Variants in CCSER1 observed in about 807,000 individuals in gnomAD.
The protein encoded by CCSER1 is coiled-coil serine rich protein 1, also known as serine-rich coiled-coil domain-containing protein 1.
Under a neutral mutation model 82.0 loss-of-function variants are expected in CCSER1, and 41 were observed. The ratio of observed to expected loss-of-function variants is 0.50; its 90% confidence interval spans 0.39 to 0.65. The LOEUF (loss-of-function observed/expected upper bound fraction) is 0.65. Ranked by LOEUF, CCSER1 falls within the 30% of genes least tolerant of loss-of-function variation. The probability of loss-of-function intolerance (pLI) is 0.00; values close to 1 mark genes in which losing one functional copy is unlikely to be tolerated. For missense variants in CCSER1, 1,119 were observed against 1,064.2 expected, an observed-to-expected ratio of 1.05 and a Z score of -0.72; for synonymous variants, 414 against 383.9, an observed-to-expected ratio of 1.08 and a Z score of -0.92.
intron 8 of CCSER1, among the ~76,000 whole-genome samples, chr4:90,901,053 T>C (rs1400802051): frequency 6.6e-6 from 1 of 151,956 alleles, no homozygotes; most frequent in Admixed American, 6.6e-5. Flanking sequence ...TTTGACTTTT[T>C]TTAAAAAAAC....
At chr4:91,098,334 A>T (rs1724712584) in intron 10 of CCSER1, among the ~76,000 whole-genome samples, 1 of 152,218 alleles carries the variant, frequency 6.6e-6, no homozygotes, top group African/African-American at 2.4e-5. Flanking sequence ...TGAGAATCAG[A>T]TAAATTATAT....
intron 10 of CCSER1, among the ~76,000 whole-genome samples, chr4:91,296,724 C>A (rs1323465195): frequency 6.6e-6 from 1 of 150,520 alleles, no homozygotes; most frequent in African/African-American, 2.4e-5. Context: ...CTATCCCAGA[C>A]AATTTCAATT....
At chr4:90,507,204 C>T (rs751498369) in intron 5 of CCSER1, among the ~76,000 whole-genome samples, 14 of 151,454 alleles carry the variant, frequency 9.2e-5, no homozygotes, top group East Asian at 3.9e-4. Context: ...TTCCTGCATC[C>T]GCAATAAAGT....
At chr4:90,853,573 T>A (rs1487278656) in intron 8 of CCSER1, among the ~76,000 whole-genome samples, 1 of 152,108 alleles carries the variant, frequency 6.6e-6, no homozygotes, top group Non-Finnish European at 1.5e-5. Context: ...GTTTTAACCT[T>A]TATATTTGAA....
intron 10 of CCSER1, among the ~76,000 whole-genome samples, chr4:91,428,171 T>G (rs1754099108): frequency 6.6e-6 from 1 of 152,038 alleles, no homozygotes; most frequent in South Asian, 2.1e-4. Flanking sequence ...CTATAGCATT[T>G]TACAGCCACA....
At chr4:90,776,898 T>C (rs540487349) in intron 7 of CCSER1, among the ~76,000 whole-genome samples, 2 of 152,176 alleles carry the variant, frequency 1.3e-5, no homozygotes, top group Non-Finnish European at 2.9e-5. Context: ...TCCCCAGTAA[T>C]CCTTAGTTAA....
intron 10 of CCSER1, among the ~76,000 whole-genome samples, chr4:91,539,566 T>C (rs1230597377): frequency 2.6e-5 from 4 of 152,098 alleles, no homozygotes; most frequent in Non-Finnish European, 4.4e-5. Flanking sequence ...TGGTCATCCA[T>C]GGTATTGCTA....
At chr4:91,334,534 ACACT>A (rs887339380) in intron 10 of CCSER1, among the ~76,000 whole-genome samples, 12 of 152,198 alleles carry the variant, frequency 7.9e-5, no homozygotes, top group African/African-American at 2.4e-4. Context: ...AAGAAAACAC[ACACT>A]CACACACACA....
intron 8 of CCSER1, among the ~76,000 whole-genome samples, chr4:90,850,515 G>A (rs746333064): frequency 1.3e-5 from 2 of 152,226 alleles, no homozygotes; most frequent in Non-Finnish European, 1.5e-5. Context: ...CTGCACCAGC[G>A]TGCCCTGAAT....
At chr4:90,890,937 A>C (rs984481489) in intron 8 of CCSER1, among the ~76,000 whole-genome samples, 8 of 152,166 alleles carry the variant, frequency 5.3e-5, no homozygotes, top group African/African-American at 1.2e-4. Context: ...AATCTGTATG[A>C]GTAAAACAAG....
intron 6 of CCSER1, among the ~76,000 whole-genome samples, chr4:90,723,694 A>G (rs576122221): frequency 4.2e-3 from 641 of 152,112 alleles, no homozygotes; most frequent in Non-Finnish European, 6.7e-3. Context: ...TAAAATATAC[A>G]TGGAGAGTGA....
intron 8 of CCSER1, among the ~76,000 whole-genome samples, chr4:90,886,121 A>G (rs796220659): frequency 9.2e-5 from 14 of 152,254 alleles, no homozygotes; most frequent in African/African-American, 3.4e-4. Flanking sequence ...GGCTGCTGGT[A>G]CAACAGGATT....
intron 1 of CCSER1, among the ~76,000 whole-genome samples, chr4:90,233,496 A>G (rs1422506668): frequency 2.0e-5 from 3 of 152,144 alleles, no homozygotes; most frequent in Non-Finnish European, 4.4e-5. Context: ...GTGGGGAGGG[A>G]TAGCATGGGG....
rs539046942 is a variant in CCSER1 at position 91,264,414 on chromosome 4, T to G, written c.2217+178420T>G. ...AGGGCATTTTCTCCATAAGTGGCTT[T>G]GTATTGTTGTTTCCCTAAAGTCATT... On this transcript the variant is annotated intron_variant, in intron 10 of 10. Transcript: ENST00000509176. Among the ~76,000 whole-genome samples, 13 of 152,022 alleles carry G rather than the reference T, an allele frequency of 8.6e-5. No homozygotes were observed. The East Asian group carries it at 2.1e-3, about 25-fold the overall frequency.
chr4:91,506,097 A>C (rs1446817348), intron 10 of CCSER1, among the ~76,000 whole-genome samples: 1 of 152,010 alleles, frequency 6.6e-6, no homozygotes. Flanking sequence ...ATTCATCTTG[A>C]GTTAATTTTT....
chr4:91,150,570 G>C (rs1730071385), intron 10 of CCSER1, among the ~76,000 whole-genome samples: 1 of 152,142 alleles, frequency 6.6e-6, no homozygotes, highest in African/African-American at 2.4e-5. Flanking sequence ...AGTTTTCAAA[G>C]GGAGTGATTC....
intron 8 of CCSER1, among the ~76,000 whole-genome samples, chr4:90,910,853 A>C (rs1387891196): frequency 6.6e-6 from 1 of 151,970 alleles, no homozygotes; most frequent in East Asian, 1.9e-4. Context: ...CCAAAAACTG[A>C]AAGCATCTCA....
intron 5 of CCSER1, among the ~76,000 whole-genome samples, chr4:90,483,141 T>C (rs564178864): frequency 2.0e-5 from 3 of 152,306 alleles, no homozygotes; most frequent in Admixed American, 1.3e-4. Flanking sequence ...CTTCTTTGTC[T>C]CTCTTGATCT....
intron 10 of CCSER1, among the ~76,000 whole-genome samples, chr4:91,456,575 AT>A (rs1756188204): frequency 6.6e-6 from 1 of 151,944 alleles, no homozygotes; most frequent in African/African-American, 2.4e-5. Flanking sequence ...AGTTTTTTTC[AT>A]GTATTGAAGT....
Sources: gnomAD v4.1 joint callset for allele counts (sites outside exome capture counted in the v4.1 genomes callset) on GRCh38, gnomAD v4.1.1 for gene constraint, MANE v1.5 for transcripts, NCBI Gene and HGNC (gene_info 2026-07-23, HGNC 2026-07-21) for gene names.